SFXN4: variants seen among roughly 807,000 people sequenced by gnomAD.
The protein encoded by SFXN4 is sideroflexin 4.
SFXN4 carries 48 observed loss-of-function variants against 54.6 expected under a neutral mutation model. That is an observed-to-expected ratio of 0.88 (90% CI 0.70 to 1.12). SFXN4 has a LOEUF of 1.12. Among genes scored for constraint, SFXN4 ranks in the 50% most tolerant of loss-of-function variants. SFXN4 has a pLI of 0.00. For synonymous variants in SFXN4, 130 were observed against 145.5 expected, an observed-to-expected ratio of 0.89 and a Z score of 0.77; for missense variants, 383 against 409.2, an observed-to-expected ratio of 0.94 and a Z score of 0.55.
At position 119,157,667 on chromosome 10, in the gene SFXN4, C is replaced by T; in HGVS notation, c.537+1G>A. The T allele has an allele frequency of 6.3e-7, 1 of 1,597,960 alleles. No homozygotes were observed. Reference sequence around the variant, plus strand: ...ATTTGACAGATTCTAAAAATACCTACTCCTAAGAAAGTTGAAGAAGCAACG... The same window carrying T: ...ATTTGACAGATTCTAAAAATACCTATTCCTAAGAAAGTTGAAGAAGCAACG... On this transcript the variant is annotated splice_donor_variant, in intron 9 of 13. Transcript: ENST00000355697. LOFTEE classifies it high-confidence loss of function.
intron 2 of SFXN4, among the ~76,000 whole-genome samples, 184 bp downstream of exon 2, chr10:119,163,947 G>C (rs1368412069): frequency 6.6e-6 from 1 of 150,676 alleles, no homozygotes; most frequent in African/African-American, 2.4e-5. Flanking sequence ...GGCTGAGGCA[G>C]GAGAATCGCT....
intron 3 of SFXN4, chr10:119,162,078 T>C (rs1392148312): frequency 2.0e-6 from 1 of 511,836 alleles, no homozygotes; most frequent in Non-Finnish European, 3.4e-6. Context: ...ATCCACTGTG[T>C]AGGAGGAAAC....
Position 119,147,606 on chromosome 10 carries a change from G to A in SFXN4, c.818+169C>T, listed in dbSNP as rs12416178. Among the ~76,000 whole-genome samples the A allele has an allele frequency of 0.29, 44,639 of 151,938 alleles. 7,320 individuals carry two copies. Among genetic ancestry groups the A allele is most frequent in the South Asian group, 0.39 (1,892 of 4,820 alleles). ...CCCATTCGGTGGAATCCGTACACCC[G>A]GATTTCCACGCCTGCCACAATCAAT... On this transcript the variant is annotated intron_variant, in intron 12 of 13. Transcript: ENST00000355697.
chr10:119,155,206 C>T, intron 10 of SFXN4, 29 bp from the exon 11 acceptor site: 1 of 1,478,880 alleles, frequency 6.8e-7, no homozygotes, highest in East Asian at 2.3e-5. Context: ...AAAGAACACC[C>T]AAGACGGGGG....
intron 11 of SFXN4, among the ~76,000 whole-genome samples, chr10:119,148,871 T>C (rs1235832788): frequency 6.6e-6 from 1 of 152,062 alleles, no homozygotes; most frequent in Non-Finnish European, 1.5e-5. Context: ...TCACGTTAAC[T>C]TTTTTACTAC....
intron 12 of SFXN4, 29 bp downstream of exon 12, chr10:119,147,746 C>G (rs1248827018): frequency 1.3e-6 from 2 of 1,592,822 alleles, no homozygotes; most frequent in South Asian, 2.2e-5. Flanking sequence ...TTTCAAATCC[C>G]TACCTGGGGA....
chr10:119,144,436 G>A (rs1564812509), intron 13 of SFXN4, among the ~76,000 whole-genome samples: 1 of 151,646 alleles, frequency 6.6e-6, no homozygotes, highest in East Asian at 1.9e-4. Context: ...CAGCCTGGGT[G>A]ACAGAACGAG....
chr10:119,163,814 G>T (rs148264355), intron 2 of SFXN4, among the ~76,000 whole-genome samples: 22 of 151,928 alleles, frequency 1.4e-4, no homozygotes, highest in African/African-American at 5.3e-4. Flanking sequence ...GGGACACGTG[G>T]GCAGGGCCTG....
intron 3 of SFXN4, 47 bp from the exon 4 acceptor site, chr10:119,161,128 TAA>T (rs776623324): frequency 1.9e-6 from 3 of 1,602,696 alleles, no homozygotes; most frequent in Non-Finnish European, 2.6e-6. Flanking sequence ...AAATTTTTTT[TAA>T]GAGACAAGGT....
intron 10 of SFXN4, among the ~76,000 whole-genome samples, chr10:119,156,179 T>G (rs1045000963): frequency 6.6e-6 from 1 of 152,098 alleles, no homozygotes; most frequent in South Asian, 2.1e-4. Context: ...TCCCAGCATT[T>G]TGGAAAGCTG....
At position 119,159,773 on chromosome 10, in the gene SFXN4, G is replaced by A; in HGVS notation, c.335-20C>T. 3 of 1,614,070 alleles carry A rather than the reference G, an allele frequency of 1.9e-6. No homozygotes were observed. In the South Asian group the frequency reaches 3.3e-5, roughly 18 times the overall value. On this transcript the variant is annotated intron_variant, in intron 5 of 13. Coordinates refer to ENST00000355697, the MANE Select transcript of SFXN4 (RefSeq NM_213649.2). The stretch of plus-strand genomic sequence containing the variant: ...GGAACGCTGGCAGGAAGAGAAGAGA[G>A]GAGGTGTCAGTGATCACAGTTGCCC...
intron 1 of SFXN4, chr10:119,165,115 G>T: frequency 4.5e-6 from 3 of 672,050 alleles, no homozygotes; most frequent in Non-Finnish European, 5.6e-6. Flanking sequence ...TGCCCTAGAC[G>T]CTGCAGGGAG....
At position 119,158,047 on chromosome 10, in the gene SFXN4, T is replaced by C; in HGVS notation, c.376A>G (p.Thr126Ala). The change falls in exon 7 of 14, where the codon ACG becomes GCG. Residue 126 changes from threonine (T) to alanine (A), a missense_variant. Coordinates refer to ENST00000355697, the MANE Select transcript of SFXN4 (RefSeq NM_213649.2). ...ACGGACTTGATCCCTTTCAGTGGCG[T>C]CATTGACAAAAATACCTTTTAAGAA... ...FMAPTVFLSMTPLKGIKSVIL... is the reference protein window; with the variant it reads ...FMAPTVFLSMAPLKGIKSVIL... The C allele has an allele frequency of 6.2e-7, 1 of 1,614,060 alleles. No individual in the cohort carries two copies. The highest frequency in any genetic ancestry group is 8.5e-7 in the Non-Finnish European group (1 of 1,179,978).
intron 1 of SFXN4, among the ~76,000 whole-genome samples, chr10:119,164,621 C>T (rs558365766): frequency 8.3e-4 from 126 of 152,092 alleles, no homozygotes; most frequent in Non-Finnish European, 1.6e-3. Flanking sequence ...AAAGGATGGA[C>T]GCCCCATTAA....
At position 119,140,786 on chromosome 10, in the gene SFXN4, G is replaced by A. The variant is rs140852391; in HGVS notation, c.*456C>T. 1,027 of 155,026 alleles carry A rather than the reference G, an allele frequency of 6.6e-3. 7 individuals are homozygous for A. Among genetic ancestry groups the A allele is most frequent in the Non-Finnish European group, 0.011 (750 of 69,502 alleles). 9.6% of individuals were successfully genotyped at this position (155,026 alleles called of 1,614,324 possible). A position where few individuals can be genotyped will look rare whatever the true frequency, so the allele number is the denominator to read the frequency against. On this transcript the variant is annotated 3_prime_UTR_variant, in exon 14 of 14. Transcript: ENST00000355697. ...TTTTAAGTAGCTGTCTAGAATGGAG[G>A]ACACTGAGTAAGGAAACAAGATTGC...
intron 5 of SFXN4, 73 bp downstream of exon 5, chr10:119,160,842 C>A: frequency 6.7e-7 from 1 of 1,482,684 alleles, no homozygotes; most frequent in Non-Finnish European, 9.4e-7. Flanking sequence ...CCAGGTGATC[C>A]GGCAGGCAGA....
rs368539311 is a variant in SFXN4 at position 119,164,040 on chromosome 10, C to CAAA, written c.177+88_177+90dup. On this transcript the variant is annotated intron_variant, in intron 2 of 13. Transcript: ENST00000355697. ...GGGCAAGAAGAACGAAACTCCGTCT[C>CAAA]AAAAAAAAAAAAAAAAAAAAAAAAG... 747 of 308,554 alleles carry CAAA rather than the reference C, an allele frequency of 2.4e-3. 1 individual carries two copies. The highest frequency in any genetic ancestry group is 3.7e-3 in the South Asian group (147 of 39,626). The allele number at this position is 308,554 out of a possible 1,614,324, so 19.1% of individuals were successfully genotyped here. A position where few individuals can be genotyped will look rare whatever the true frequency, so the allele number is the denominator to read the frequency against.
chr10:119,146,460 T>TGTGTGTGTGCGCGC (rs141608372), intron 12 of SFXN4, 107 bp from the exon 13 acceptor site: 2 of 549,006 alleles, frequency 3.6e-6, no homozygotes, highest in Admixed American at 2.8e-5. Context: ...TGTGTGTGTG[T>TGTGTGTGTGCGCGC]GCACGTGTGT....
At chr10:119,160,695 A>C (rs888285117) in intron 5 of SFXN4, among the ~76,000 whole-genome samples, 1 of 150,246 alleles carries the variant, frequency 6.7e-6, no homozygotes, top group Non-Finnish European at 1.5e-5. Flanking sequence ...GTTCAAGTTC[A>C]AGCAATTCTC....
Sources: gnomAD v4.1 joint callset for allele counts (sites outside exome capture counted in the v4.1 genomes callset) on GRCh38, gnomAD v4.1.1 for gene constraint, MANE v1.5 for transcripts, NCBI Gene and HGNC (gene_info 2026-07-23, HGNC 2026-07-21) for gene names.